The following PPM1H variants were observed in gnomAD, a reference collection of about 807,000 sequenced individuals.
The protein encoded by PPM1H is protein phosphatase 1H.
Under a neutral mutation model 54.9 loss-of-function variants are expected in PPM1H, and 27 were observed. The observed-to-expected ratio is 0.49, with a 90% CI of 0.36 to 0.68. The LOEUF is 0.68. Among genes scored for constraint, PPM1H ranks in the 30% least tolerant of loss-of-function variants. The pLI is 0.00. For synonymous variants in PPM1H, 305 were observed against 270.8 expected, an observed-to-expected ratio of 1.13 and a Z score of -1.24; for missense variants, 596 against 667.8, an observed-to-expected ratio of 0.89 and a Z score of 1.19.
chr12:62,768,603 C>T (rs946382135), intron 4 of PPM1H, among the ~76,000 whole-genome samples: 2 of 151,776 alleles, frequency 1.3e-5, no homozygotes, highest in Admixed American at 6.6e-5. Context: ...TGCAGTGAGC[C>T]GAGATCCCGC....
In PPM1H at chr12:62,696,451, A is replaced by AG. The variant is rs368665017; in HGVS notation, c.1074-2453dup. Among the ~76,000 whole-genome samples the AG allele has an allele frequency of 2.2e-3, 341 of 152,320 alleles. 2 individuals are homozygous for AG. The highest frequency in any genetic ancestry group is 8.1e-3 in the African/African-American group (337 of 41,574). On this transcript the variant is annotated intron_variant, in intron 6 of 9. Transcript: ENST00000228705. ...CCCTCTCCCCCAGCAACTAACGACA[A>AG]GGGGGAATAGCACCAATGAGGAGGA...
intron 9 of PPM1H, among the ~76,000 whole-genome samples, chr12:62,665,289 T>C (rs1304193431): frequency 6.6e-6 from 1 of 152,222 alleles, no homozygotes; most frequent in Non-Finnish European, 1.5e-5. Context: ...CCTCAGGTGA[T>C]CTGCCCGCCT....
intron 1 of PPM1H, among the ~76,000 whole-genome samples, chr12:62,924,559 C>A (rs551907321): frequency 2.0e-5 from 3 of 152,332 alleles, no homozygotes; most frequent in Non-Finnish European, 1.5e-5. Context: ...ACATTCGAGA[C>A]TATCATCCAC....
intron 1 of PPM1H, among the ~76,000 whole-genome samples, chr12:62,904,721 C>G (rs1871257583): frequency 6.6e-6 from 1 of 152,152 alleles, no homozygotes; most frequent in Non-Finnish European, 1.5e-5. Flanking sequence ...GTGAGCTATT[C>G]AGAGGTCACC....
Position 62,693,845 on chromosome 12 carries a change from T to C in PPM1H, c.1137+91A>G, listed in dbSNP as rs1232034027. 3 of 1,129,738 alleles carry C rather than the reference T, an allele frequency of 2.7e-6. No individual in the cohort carries two copies. The African/African-American group carries it at 4.6e-5, about 17-fold the overall frequency. The allele number at this position is 1,129,738 out of a possible 1,614,324, so 70.0% of individuals were successfully genotyped here. ...TCAAGGCTATAAAATCACAAGCTGC[T>C]GAGTGGAACACACGGACTGCCACGG... On this transcript the variant is annotated intron_variant, in intron 7 of 9. Coordinates refer to ENST00000228705, the MANE Select transcript of PPM1H (RefSeq NM_020700.2).
chr12:62,923,045 T>G lies in PPM1H; in HGVS notation c.245+11447A>C, dbSNP rs561068748. On this transcript the variant is annotated intron_variant, in intron 1 of 9. Transcript: ENST00000228705. ...GGAAGCTTATCAACTGAGTGAGCAT[T>G]TGCAGGGGCCAATGTTATAAAACTG... is the stretch of plus-strand genomic sequence containing the variant. Among the ~76,000 whole-genome samples the G allele has an allele frequency of 5.3e-5, 8 of 151,684 alleles. No individual in the cohort carries two copies. The East Asian group carries it at 1.6e-3, about 29-fold the overall frequency.
chr12:62,756,028 AC>A (rs1443278782), intron 4 of PPM1H: 19 of 1,411,938 alleles, frequency 1.3e-5, no homozygotes, highest in Non-Finnish European at 1.8e-5. Context: ...GGCGTCCGAG[AC>A]CCCCTCAAGG....
intron 4 of PPM1H, among the ~76,000 whole-genome samples, chr12:62,744,344 G>A (rs1343732237): frequency 2.0e-5 from 3 of 151,804 alleles, no homozygotes; most frequent in Non-Finnish European, 2.9e-5. Context: ...GGTGGTGGGT[G>A]CCTATAATCC....
intron 6 of PPM1H, among the ~76,000 whole-genome samples, chr12:62,695,464 T>G (rs182839673): frequency 1.3e-5 from 2 of 152,306 alleles, no homozygotes; most frequent in East Asian, 3.9e-4. Context: ...AAACAAATGC[T>G]GCTGCTGTTG....
rs1020459819 is a variant in PPM1H at position 62,737,605 on chromosome 12, A to G, written c.870-19T>C. On this transcript the variant is annotated intron_variant, in intron 4 of 9. Transcript: ENST00000228705. ...TATGGCCCTGAAATGGTGAAAATGC[A>G]TTGTCAGTAGCCAATCTCATAAATG... 4.0e-6 allele frequency: 6 copies of G among 1,482,612 alleles called. No homozygotes were observed. Among genetic ancestry groups the G allele is most frequent in the Non-Finnish European group, 4.6e-6 (5 of 1,084,414 alleles). The allele number at this position is 1,482,612 out of a possible 1,614,324, so 91.8% of individuals were successfully genotyped here.
intron 1 of PPM1H, among the ~76,000 whole-genome samples, chr12:62,885,890 A>G (rs1870570103): frequency 1.3e-5 from 2 of 152,212 alleles, no homozygotes; most frequent in Admixed American, 6.5e-5. Context: ...AATATCAGGT[A>G]TCATTTCACC....
chr12:62,703,804 G>A (rs1240584341), intron 6 of PPM1H, among the ~76,000 whole-genome samples: 1 of 152,072 alleles, frequency 6.6e-6, no homozygotes. Context: ...TGCAGGATTG[G>A]CAACCACCTC....
At chr12:62,745,816 C>T (rs1300772429) in intron 4 of PPM1H, among the ~76,000 whole-genome samples, 20 of 113,492 alleles carry the variant, frequency 1.8e-4, no homozygotes, top group Admixed American at 1.7e-3. Flanking sequence ...GAAGAGGTTC[C>T]AAGTGAGGGA....
rs113618607 is a variant in PPM1H, at chr12:62,738,963, T to C, written c.870-1377A>G. ...ACCTGTGCCCTAGTTGCTGCTGTCATAGAAACGGGAAAGTGGGGGGTCGGG... is the reference window on the plus strand; with the variant it reads ...ACCTGTGCCCTAGTTGCTGCTGTCACAGAAACGGGAAAGTGGGGGGTCGGG... On this transcript the variant is annotated intron_variant, in intron 4 of 9. Transcript: ENST00000228705. Among the ~76,000 whole-genome samples, 809 of 135,810 alleles carry C rather than the reference T, an allele frequency of 6.0e-3. 10 individuals are homozygous for C. Among genetic ancestry groups the C allele is most frequent in the African/African-American group, 0.022 (780 of 36,220 alleles). The allele number at this position is 135,810 out of a possible 152,430, so 89.1% of individuals were successfully genotyped here.
At chr12:62,803,457 T>C (rs899152584) in intron 2 of PPM1H, among the ~76,000 whole-genome samples, 1 of 152,172 alleles carries the variant, frequency 6.6e-6, no homozygotes, top group Admixed American at 6.6e-5. Context: ...AAGAAGAGTG[T>C]CTGCAATAAA....
chr12:62,694,094 A>G (rs2076099808), intron 6 of PPM1H, 95 bp from the exon 7 acceptor site: 1 of 1,067,624 alleles, frequency 9.4e-7, no homozygotes, highest in African/African-American at 1.6e-5. Flanking sequence ...TTTCCCTGAG[A>G]CCCCATCCAC....
At chr12:62,780,817 G>A (rs1273122407) in intron 4 of PPM1H, among the ~76,000 whole-genome samples, 1 of 151,776 alleles carries the variant, frequency 6.6e-6, no homozygotes, top group African/African-American at 2.4e-5. Context: ...ACAGGGCCTT[G>A]GGTTCTCTAC....
At chr12:62,670,196 C>T (rs998553420) in intron 8 of PPM1H, among the ~76,000 whole-genome samples, 21 of 151,764 alleles carry the variant, frequency 1.4e-4, no homozygotes, top group African/African-American at 4.4e-4. Flanking sequence ...AGGCTGGTCT[C>T]GAACTCCCGA....
chr12:62,724,528 A>G (rs1489402637), intron 5 of PPM1H, among the ~76,000 whole-genome samples: 3 of 152,140 alleles, frequency 2.0e-5, no homozygotes, highest in African/African-American at 7.2e-5. Context: ...TGCAGGGGCC[A>G]CCTACCCTCT....
Sources: gnomAD v4.1 joint callset for allele counts (sites outside exome capture counted in the v4.1 genomes callset) on GRCh38, gnomAD v4.1.1 for gene constraint, MANE v1.5 for transcripts, NCBI Gene and HGNC (gene_info 2026-07-23, HGNC 2026-07-21) for gene names.